The following TCERG1L variants were observed in gnomAD, a reference collection of about 807,000 sequenced individuals.
The protein encoded by TCERG1L is transcription elongation regulator 1-like protein.
TCERG1L carries 37 observed loss-of-function variants against 56.3 expected under a neutral mutation model. The observed-to-expected ratio is 0.66, with a 90% CI of 0.51 to 0.87. The LOEUF (loss-of-function observed/expected upper bound fraction) is 0.87, where lower values mean the gene tolerates loss of function less well. Among genes scored for constraint, TCERG1L ranks in the 40% least tolerant of loss-of-function variants. The pLI is 0.00. For missense variants in TCERG1L, 799 were observed against 774.2 expected (o/e 1.03, Z -0.38); for synonymous variants, 324 against 326.3 (o/e 0.99, Z 0.08).
At chr10:131,215,122 C>T (rs971910957) in intron 4 of TCERG1L, among the ~76,000 whole-genome samples, 6 of 152,198 alleles carry the variant, frequency 3.9e-5, no homozygotes, top group Non-Finnish European at 8.8e-5. Context: ...ATACTTTCTA[C>T]TCAATGCCAC....
At chr10:131,251,375 C>T (rs912865372) in intron 4 of TCERG1L, among the ~76,000 whole-genome samples, 6 of 149,808 alleles carry the variant, frequency 4.0e-5, no homozygotes, top group Admixed American at 1.3e-4. Context: ...CATTGCGAAT[C>T]CTTGCAGTCA....
chr10:131,107,225 G>A (rs533200932), intron 9 of TCERG1L, among the ~76,000 whole-genome samples: 90 of 152,296 alleles, frequency 5.9e-4, no homozygotes, highest in African/African-American at 2.0e-3. Flanking sequence ...ACCTCACGGG[G>A]ACCTGTGCAT....
chr10:131,171,834 G>A (rs535748151), intron 4 of TCERG1L, among the ~76,000 whole-genome samples: 1 of 152,312 alleles, frequency 6.6e-6, no homozygotes, highest in South Asian at 2.1e-4. Flanking sequence ...GCCTCCCAAA[G>A]TGCTGGGATT....
intron 3 of TCERG1L, among the ~76,000 whole-genome samples, chr10:131,290,687 T>C (rs1846606688): frequency 6.6e-6 from 1 of 152,124 alleles, no homozygotes; most frequent in African/African-American, 2.4e-5. Flanking sequence ...GCATTTTCTT[T>C]TGTCACTGTA....
At chr10:131,151,407 G>A (rs1353409783) in intron 6 of TCERG1L, among the ~76,000 whole-genome samples, 1 of 150,978 alleles carries the variant, frequency 6.6e-6, no homozygotes, top group Non-Finnish European at 1.5e-5. Context: ...CCCCATGCAA[G>A]TCCAAAATCC....
chr10:131,306,925 G>T (rs1428424086), intron 3 of TCERG1L, among the ~76,000 whole-genome samples: 4 of 152,172 alleles, frequency 2.6e-5, no homozygotes, highest in African/African-American at 9.7e-5. Context: ...TGAACTGAGA[G>T]AAGGGAAGTT....
At chr10:131,162,037 T>C (rs562933574) in intron 6 of TCERG1L, 1 of 152,358 alleles carries the variant, frequency 6.6e-6, no homozygotes, top group Non-Finnish European at 1.5e-5. Context: ...GAACCCCAGA[T>C]CTGTGGTCAG....
chr10:131,310,577 A>C, intron 1 of TCERG1L, among the ~76,000 whole-genome samples: 1 of 152,228 alleles, frequency 6.6e-6, no homozygotes, highest in East Asian at 1.9e-4. Context: ...ATCTTGCCCA[A>C]ACCAGCCCGC....
At chr10:131,129,429 A>G (rs944241278) in intron 8 of TCERG1L, among the ~76,000 whole-genome samples, 6 of 152,272 alleles carry the variant, frequency 3.9e-5, no homozygotes, top group African/African-American at 9.6e-5. Context: ...ACCAAAGCAG[A>G]AAAACGCTGG....
At chr10:131,112,128 C>T (rs1196375766) in intron 9 of TCERG1L, among the ~76,000 whole-genome samples, 1 of 143,162 alleles carries the variant, frequency 7.0e-6, no homozygotes, top group African/African-American at 2.5e-5. Flanking sequence ...CCCGGCCACA[C>T]GGCACTCCCA....
Position 131,255,727 on chromosome 10 carries a change from C to T in TCERG1L, c.856+4532G>A, listed in dbSNP as rs142496249. 1.8e-3 allele frequency among the ~76,000 whole-genome samples: 278 copies of T among 152,310 alleles called. 1 individual carries two copies. The highest frequency in any genetic ancestry group is 6.2e-3 in the African/African-American group (259 of 41,570). Reference sequence around the variant, plus strand: ...TGATTCTCAGGGTAGGCACAGGGAACGGAGCAGCTCAGAAAGAACGCGAGG... The same window carrying T: ...TGATTCTCAGGGTAGGCACAGGGAATGGAGCAGCTCAGAAAGAACGCGAGG... On this transcript the variant is annotated intron_variant, in intron 4 of 11. Coordinates refer to ENST00000368642, the MANE Select transcript of TCERG1L (RefSeq NM_174937.4).
chr10:131,206,167 C>T (rs371608201), intron 4 of TCERG1L, among the ~76,000 whole-genome samples: 24 of 152,352 alleles, frequency 1.6e-4, no homozygotes, highest in African/African-American at 4.3e-4. Context: ...TCATGGACAA[C>T]GAATGAACTG....
chr10:131,280,005 A>G (rs369343450), intron 3 of TCERG1L, among the ~76,000 whole-genome samples: 1 of 152,196 alleles, frequency 6.6e-6, no homozygotes, highest in Non-Finnish European at 1.5e-5. Context: ...AAAATCAGAG[A>G]GAGGTCTCAG....
chr10:131,280,379 C>T (rs781419658), intron 3 of TCERG1L, among the ~76,000 whole-genome samples: 1 of 145,212 alleles, frequency 6.9e-6, no homozygotes, highest in African/African-American at 2.6e-5. Flanking sequence ...CAAGATGAAC[C>T]TTGGTTTGGT....
At chr10:131,131,908 TCTAA>T (rs1420392207) in intron 8 of TCERG1L, among the ~76,000 whole-genome samples, 2 of 152,250 alleles carry the variant, frequency 1.3e-5, no homozygotes, top group East Asian at 1.9e-4. Context: ...AGGCATGTTC[TCTAA>T]CTATCTGGGC....
At chr10:131,163,487 G>A (rs1845999582) in intron 5 of TCERG1L, among the ~76,000 whole-genome samples, 1 of 152,184 alleles carries the variant, frequency 6.6e-6, no homozygotes, top group African/African-American at 2.4e-5. Context: ...GACGGTCAGA[G>A]GCAGCCAAGA....
chr10:131,279,864 G>A (rs1846432613), intron 3 of TCERG1L, among the ~76,000 whole-genome samples: 1 of 152,010 alleles, frequency 6.6e-6, no homozygotes, highest in Non-Finnish European at 1.5e-5. Context: ...GCCTTTCGCT[G>A]CAAAGGTCCA....
At chr10:131,127,228 A>C (rs1845573852) in intron 8 of TCERG1L, among the ~76,000 whole-genome samples, 2 of 152,226 alleles carry the variant, frequency 1.3e-5, no homozygotes, top group African/African-American at 4.8e-5. Flanking sequence ...CAAAAGGCCC[A>C]TAGACAACAT....
intron 4 of TCERG1L, among the ~76,000 whole-genome samples, chr10:131,228,995 C>A (rs1357953097): frequency 4.1e-5 from 3 of 73,618 alleles, no homozygotes; most frequent in African/African-American, 1.9e-4. Context: ...TCCAGACAGG[C>A]ATTCCTCAAG....
Sources: gnomAD v4.1 joint callset for allele counts (sites outside exome capture counted in the v4.1 genomes callset) on GRCh38, gnomAD v4.1.1 for gene constraint, MANE v1.5 for transcripts, NCBI Gene and HGNC (gene_info 2026-07-23, HGNC 2026-07-21) for gene names.